The following TAPT1 variants were observed in gnomAD, a reference collection of about 807,000 sequenced individuals.
TAPT1 encodes the protein transmembrane anterior posterior transformation protein 1 homolog.
TAPT1 carries 28 observed loss-of-function variants against 65.6 expected under a neutral mutation model. The ratio of observed to expected loss-of-function variants is 0.43; its 90% CI spans 0.32 to 0.59. The LOEUF (loss-of-function observed/expected upper bound fraction) is 0.59, where lower values mean the gene tolerates loss of function less well. Among genes scored for constraint, TAPT1 ranks in the 20% least tolerant of loss-of-function variants. TAPT1 has a pLI of 0.09. For missense variants in TAPT1, 563 were observed against 679.9 expected, an observed-to-expected ratio of 0.83 and a Z score of 1.91; for synonymous variants, 278 against 245.2, an observed-to-expected ratio of 1.13 and a Z score of -1.25.
chr4:16,225,968 G>C (rs1448543339), intron 1 of TAPT1: 2 of 993,758 alleles, frequency 2.0e-6, no homozygotes, highest in Non-Finnish European at 2.4e-6. Context: ...CCTTCCGAGG[G>C]CGATGCAAGG....
intron 2 of TAPT1, among the ~76,000 whole-genome samples, chr4:16,207,894 C>T (rs925649133): frequency 1.1e-4 from 17 of 152,094 alleles, no homozygotes; most frequent in Non-Finnish European, 2.9e-5. Context: ...TATTAAATAG[C>T]TATAATGTAC....
upstream of TAPT1, chr4:16,227,025 G>C (rs1380162790): frequency 4.4e-6 from 2 of 453,514 alleles, no homozygotes; most frequent in Non-Finnish European, 8.8e-6. Flanking sequence ...CCAGATCACC[G>C]ACCCCCACGA....
intron 2 of TAPT1, among the ~76,000 whole-genome samples, chr4:16,208,283 T>A (rs767410657): frequency 2.3e-4 from 35 of 152,348 alleles, no homozygotes; most frequent in Non-Finnish European, 4.3e-4. Flanking sequence ...TGAATATGAC[T>A]ATACTAATTT....
chr4:16,183,682 T>TA (rs991825950), intron 7 of TAPT1, among the ~76,000 whole-genome samples: 26 of 151,994 alleles, frequency 1.7e-4, no homozygotes, highest in Admixed American at 5.9e-4. Flanking sequence ...TGAATTAATT[T>TA]AAAAAAAACA....
intron 3 of TAPT1, among the ~76,000 whole-genome samples, chr4:16,195,757 A>G (rs569490341): frequency 2.6e-5 from 4 of 152,352 alleles, no homozygotes; most frequent in African/African-American, 9.6e-5. Context: ...TGAATTATAC[A>G]GTAGAGAAAG....
chr4:16,184,773 A>C (rs1748905978), intron 7 of TAPT1, among the ~76,000 whole-genome samples: 1 of 152,122 alleles, frequency 6.6e-6, no homozygotes, highest in Admixed American at 6.5e-5. Flanking sequence ...TTCTTTTGTG[A>C]AATGTCTGTT....
At chr4:16,212,497 ACTC>A (rs2108887431) in intron 2 of TAPT1, among the ~76,000 whole-genome samples, 1 of 152,068 alleles carries the variant, frequency 6.6e-6, no homozygotes, top group African/African-American at 2.4e-5. Context: ...CGCCTACCCT[ACTC>A]CTTTCCCCAA....
chr4:16,201,201 T>A (rs930697024), intron 3 of TAPT1, among the ~76,000 whole-genome samples: 1 of 152,168 alleles, frequency 6.6e-6, no homozygotes, highest in African/African-American at 2.4e-5. Flanking sequence ...AAACTGATTG[T>A]CTTATTTTTA....
intron 1 of TAPT1, among the ~76,000 whole-genome samples, chr4:16,218,979 A>G (rs1188808375): frequency 6.6e-6 from 1 of 152,222 alleles, no homozygotes; most frequent in African/African-American, 2.4e-5. Context: ...TTCTACCTCT[A>G]GATATCCAAG....
chr4:16,169,695 C>T (rs1560151035), intron 12 of TAPT1, among the ~76,000 whole-genome samples: 1 of 152,194 alleles, frequency 6.6e-6, no homozygotes, highest in Non-Finnish European at 1.5e-5. Context: ...AGCAGGCTCA[C>T]GACTCAGGAT....
intron 7 of TAPT1, among the ~76,000 whole-genome samples, chr4:16,183,725 G>C (rs1224086903): frequency 6.6e-6 from 1 of 152,114 alleles, no homozygotes; most frequent in Non-Finnish European, 1.5e-5. Flanking sequence ...TCTTACAGTT[G>C]AATCAATTTA....
At chr4:16,169,358 C>T (rs2149668401) in intron 12 of TAPT1, among the ~76,000 whole-genome samples, 1 of 152,316 alleles carries the variant, frequency 6.6e-6, no homozygotes, top group Non-Finnish European at 1.5e-5. Context: ...GTAAAAAACA[C>T]TAGAATAATT....
chr4:16,220,524 G>A (rs1258315198), intron 1 of TAPT1, among the ~76,000 whole-genome samples: 1 of 152,098 alleles, frequency 6.6e-6, no homozygotes, highest in Non-Finnish European at 1.5e-5. Flanking sequence ...GCCAAGGCGG[G>A]TGGATCCCAA....
intron 1 of TAPT1, among the ~76,000 whole-genome samples, chr4:16,215,844 C>G (rs762286552): frequency 6.6e-6 from 1 of 152,180 alleles, no homozygotes; most frequent in Non-Finnish European, 1.5e-5. Flanking sequence ...AGAACAAGAT[C>G]TGCTCTTTCA....
chr4:16,208,166 A>G (rs1177944010), intron 2 of TAPT1, among the ~76,000 whole-genome samples: 2 of 152,228 alleles, frequency 1.3e-5, no homozygotes, highest in African/African-American at 4.8e-5. Context: ...TAAATTATGT[A>G]ATTGTAGAAT....
Position 16,188,335 on chromosome 4 carries a change from T to C in TAPT1, c.633A>G (p.Ser211=), listed in dbSNP as rs1339071374. 1.3e-6 allele frequency: 2 copies of C among 1,590,860 alleles called. No homozygotes were observed. The highest frequency in any genetic ancestry group is 8.5e-7 in the Non-Finnish European group (1 of 1,172,468). Residue 211 remains serine, a synonymous_variant, in exon 5 of 14, where the codon TCA becomes TCG. Transcript: ENST00000405303. ...CATCTAATATGTCTTGTCCAAAAGA[T>C]GAAAACAGACGATCAGCTACCTAAA... The part of the protein sequence containing the change: ...NMLEVADRLF[S]SFGQDILDAL...
chr4:16,183,449 C>T (rs1259371299), intron 7 of TAPT1, among the ~76,000 whole-genome samples: 2 of 151,960 alleles, frequency 1.3e-5, no homozygotes, highest in African/African-American at 2.4e-5. Flanking sequence ...AATACCTAAT[C>T]TTTCTAAGCT....
At chr4:16,227,336 C>G (rs1751648841), upstream of TAPT1, 1 of 456,192 alleles carries the variant, frequency 2.2e-6, no homozygotes, top group Non-Finnish European at 4.4e-6. Context: ...GGCTGGACCT[C>G]CCCTTTCCAG....
At chr4:16,223,200 C>T (rs1445407348) in intron 1 of TAPT1, among the ~76,000 whole-genome samples, 1 of 152,208 alleles carries the variant, frequency 6.6e-6, no homozygotes, top group Non-Finnish European at 1.5e-5. Flanking sequence ...GCCAAAAACA[C>T]AGATTTCCTA....
Sources: allele counts gnomAD v4.1 joint callset (sites outside exome capture counted in the v4.1 genomes callset), GRCh38; gene constraint gnomAD v4.1.1; transcripts MANE v1.5; gene names NCBI Gene and HGNC (gene_info 2026-07-23, HGNC 2026-07-21).